Variants in C12orf50 observed in about 807,000 individuals in gnomAD.
C12orf50 encodes the protein zinc finger CCCH-type containing 11D, also known as uncharacterized protein C12orf50.
C12orf50 carries 35 observed loss-of-function variants against 61.6 expected under a neutral mutation model. The ratio of observed to expected loss-of-function variants is 0.57; its 90% CI spans 0.43 to 0.75. The LOEUF is 0.75. Ranked by LOEUF, C12orf50 falls within the 30% of genes least tolerant of loss-of-function variation. The pLI, the probability that C12orf50 is intolerant of heterozygous loss-of-function variation, is 0.00. For synonymous variants in C12orf50, 178 were observed against 161.5 expected, an observed-to-expected ratio of 1.10 and a Z score of -0.77; for missense variants, 475 against 488.5, an observed-to-expected ratio of 0.97 and a Z score of 0.26.
chr12:87,989,346 C>T lies in C12orf50; in HGVS notation c.618G>A (p.Arg206=), dbSNP rs146612959. The part of the protein sequence containing the change: ...NGGGDCYVPQ[R]VIFLGVDESE... ...TTTCATCGACTCCAAGAAATATGACCCTCTGTGGAACATAACAGTCACCTC... is the reference window on the plus strand; with the variant it reads ...TTTCATCGACTCCAAGAAATATGACTCTCTGTGGAACATAACAGTCACCTC... The change falls in exon 8 of 13, where the codon AGG becomes AGA. Residue 206 remains arginine, a synonymous_variant. Coordinates refer to ENST00000298699, the MANE Select transcript of C12orf50 (RefSeq NM_152589.3). 5.6e-6 allele frequency: 9 copies of T among 1,611,368 alleles called. No homozygotes were observed. The African/African-American group carries it at 1.2e-4, about 22-fold the overall frequency.
At chr12:87,996,528 A>G in intron 5 of C12orf50, 41 bp from the exon 6 acceptor site, 1 of 1,590,274 alleles carries the variant, frequency 6.3e-7, no homozygotes, top group Non-Finnish European at 8.6e-7. Context: ...TATATTTATC[A>G]CATCAAGTAT....
intron 12 of C12orf50, among the ~76,000 whole-genome samples, chr12:87,981,322 C>A (rs965643228): frequency 2.6e-5 from 4 of 152,116 alleles, no homozygotes; most frequent in African/African-American, 9.7e-5. Context: ...TTTCAACAGT[C>A]CTGACATGGA....
chr12:87,999,913 A>G (rs1165681377), intron 3 of C12orf50, among the ~76,000 whole-genome samples: 1 of 152,166 alleles, frequency 6.6e-6, no homozygotes, highest in African/African-American at 2.4e-5. Context: ...CTAAGAGGAA[A>G]AAGTCATTCA....
chr12:87,990,631 T>C (rs903470978), intron 7 of C12orf50, among the ~76,000 whole-genome samples: 3 of 152,130 alleles, frequency 2.0e-5, no homozygotes, highest in Non-Finnish European at 4.4e-5. Flanking sequence ...CCTGGCTTTT[T>C]TCCCTGAAGG....
At chr12:88,015,627 C>A (rs2032284294) in intron 3 of C12orf50, among the ~76,000 whole-genome samples, 1 of 152,078 alleles carries the variant, frequency 6.6e-6, no homozygotes, top group Non-Finnish European at 1.5e-5. Context: ...TAGTGCATAC[C>A]ATAGGAGAAA....
chr12:87,994,794 A>G (rs763932246), intron 6 of C12orf50, 51 bp from the exon 7 acceptor site: 2 of 1,180,698 alleles, frequency 1.7e-6, no homozygotes, highest in East Asian at 2.3e-5. Flanking sequence ...AGATGCTTAA[A>G]TAAGAAATTT....
chr12:88,024,780 A>G (rs1392435960), intron 3 of C12orf50, among the ~76,000 whole-genome samples: 1 of 152,232 alleles, frequency 6.6e-6, no homozygotes, highest in Non-Finnish European at 1.5e-5. Context: ...TAAAAGTTAA[A>G]GAAAAAAAAG....
chr12:87,984,700 A>G (rs2030711976), intron 11 of C12orf50: 1 of 152,170 alleles, frequency 6.6e-6, no homozygotes, highest in Non-Finnish European at 1.5e-5. Context: ...CTGTGTTCTC[A>G]AAGCATGATC....
At chr12:88,010,526 G>A (rs1177067001) in intron 3 of C12orf50, among the ~76,000 whole-genome samples, 15 of 148,420 alleles carry the variant, frequency 1.0e-4, no homozygotes, top group Non-Finnish European at 7.4e-5. Context: ...GAATCATTAC[G>A]GCAAGATGTC....
At chr12:88,015,568 T>C (rs1024086935) in intron 3 of C12orf50, among the ~76,000 whole-genome samples, 4 of 152,110 alleles carry the variant, frequency 2.6e-5, no homozygotes, top group Non-Finnish European at 2.9e-5. Context: ...TTCAGCAAAA[T>C]ATAAGAACTT....
chr12:87,996,326 C>A, intron 6 of C12orf50, 48 bp downstream of exon 6: 1 of 1,243,606 alleles, frequency 8.0e-7, no homozygotes, highest in South Asian at 1.2e-5. Context: ...TCTATCACAC[C>A]AAGTATATGT....
intron 3 of C12orf50, among the ~76,000 whole-genome samples, chr12:88,016,353 T>C (rs2032311339): frequency 6.6e-6 from 1 of 152,190 alleles, no homozygotes; most frequent in African/African-American, 2.4e-5. Context: ...AAGGTATTAC[T>C]TTATAATTTA....
At chr12:88,025,981 C>T (rs1234405201) in intron 3 of C12orf50, among the ~76,000 whole-genome samples, 1 of 152,196 alleles carries the variant, frequency 6.6e-6, no homozygotes, top group Admixed American at 6.5e-5. Context: ...TGTGCCACGG[C>T]TTTTGTAGCA....
chr12:88,026,642 T>C (rs1248325452), intron 2 of C12orf50, 34 bp from the exon 3 acceptor site: 1 of 1,606,510 alleles, frequency 6.2e-7, no homozygotes, highest in Admixed American at 1.7e-5. Context: ...AATGTAATGA[T>C]TAGATGCCAT....
intron 3 of C12orf50, among the ~76,000 whole-genome samples, chr12:88,018,666 C>T (rs1348618723): frequency 6.6e-6 from 1 of 152,188 alleles, no homozygotes; most frequent in East Asian, 1.9e-4. Context: ...AGCAGGGGCT[C>T]TACCCTGCAA....
intron 3 of C12orf50, among the ~76,000 whole-genome samples, chr12:88,022,225 C>A (rs532771011): frequency 6.6e-6 from 1 of 151,542 alleles, no homozygotes; most frequent in African/African-American, 2.4e-5. Flanking sequence ...ACTACATAAA[C>A]AGAACTAAAA....
chr12:88,029,224 A>G, intron 1 of C12orf50, 116 bp downstream of exon 1: 1 of 639,902 alleles, frequency 1.6e-6, no homozygotes, highest in Non-Finnish European at 2.3e-6. Context: ...AGGGGGAAAA[A>G]TAATTTCTTT....
chr12:88,010,352 A>C (rs1265366340), intron 3 of C12orf50, among the ~76,000 whole-genome samples: 1 of 150,460 alleles, frequency 6.6e-6, no homozygotes, highest in African/African-American at 2.4e-5. Context: ...TGAGATTATT[A>C]TTCTTGTATT....
At chr12:87,996,152 C>T (rs1236085733) in intron 6 of C12orf50, among the ~76,000 whole-genome samples, 1 of 152,150 alleles carries the variant, frequency 6.6e-6, no homozygotes. Context: ...TGTGTAGTGT[C>T]ATTACGTGTT....
Sources: allele counts gnomAD v4.1 joint callset (sites outside exome capture counted in the v4.1 genomes callset), GRCh38; gene constraint gnomAD v4.1.1; transcripts MANE v1.5; gene names NCBI Gene and HGNC (gene_info 2026-07-23, HGNC 2026-07-21).